ZNF521: variants seen among roughly 807,000 people sequenced by gnomAD.
ZNF521 encodes the protein LYST-interacting protein 3.
ZNF521 carries 14 observed loss-of-function variants against 105.5 expected under a neutral mutation model. The observed-to-expected ratio is 0.13, with a 90% CI of 0.09 to 0.21. The LOEUF (loss-of-function observed/expected upper bound fraction) is 0.21, where lower values mean the gene tolerates loss of function less well. ZNF521 is among the 10% of genes least tolerant of loss of function. The probability of loss-of-function intolerance (pLI) is 1.00; values close to 1 mark genes in which losing one functional copy is unlikely to be tolerated. For missense variants in ZNF521, 1,233 were observed against 1,629.7 expected, an observed-to-expected ratio of 0.76 and a Z score of 4.19; for synonymous variants, 635 against 606.0, an observed-to-expected ratio of 1.05 and a Z score of -0.70.
At chr18:25,270,846 A>G (rs529423256) in intron 3 of ZNF521, among the ~76,000 whole-genome samples, 9 of 152,204 alleles carry the variant, frequency 5.9e-5, no homozygotes, top group East Asian at 3.8e-4. Context: ...AACTGGAAGC[A>G]TTCCCTTTGA....
chr18:25,160,500 C>T (rs1167244570), intron 5 of ZNF521, among the ~76,000 whole-genome samples: 1 of 152,170 alleles, frequency 6.6e-6, no homozygotes, highest in Non-Finnish European at 1.5e-5. Context: ...GGACACACTG[C>T]ACTTATGCAC....
At chr18:25,317,573 G>A (rs962900080) in intron 3 of ZNF521, among the ~76,000 whole-genome samples, 1 of 152,094 alleles carries the variant, frequency 6.6e-6, no homozygotes, top group East Asian at 1.9e-4. Flanking sequence ...CAGTCCAGTG[G>A]GAACGCTGAA....
At chr18:25,200,118 AAC>A (rs1426110789) in intron 4 of ZNF521, among the ~76,000 whole-genome samples, 2 of 152,146 alleles carry the variant, frequency 1.3e-5, no homozygotes, top group African/African-American at 2.4e-5. Context: ...ACTGGATTTT[AAC>A]ACAGTTTATA....
chr18:25,084,605 G>T (rs1004171241), intron 7 of ZNF521, among the ~76,000 whole-genome samples: 1 of 152,160 alleles, frequency 6.6e-6, no homozygotes, highest in Non-Finnish European at 1.5e-5. Flanking sequence ...GAAGGGCTGG[G>T]TATTAAGATA....
At chr18:25,127,569 A>T (rs1461942357) in intron 5 of ZNF521, among the ~76,000 whole-genome samples, 1 of 152,060 alleles carries the variant, frequency 6.6e-6, no homozygotes, top group African/African-American at 2.4e-5. Context: ...AAAAGACCTA[A>T]AAAAAGATAC....
intron 2 of ZNF521, among the ~76,000 whole-genome samples, chr18:25,341,853 G>A (rs1914218333): frequency 6.6e-6 from 1 of 152,278 alleles, no homozygotes; most frequent in East Asian, 1.9e-4. Flanking sequence ...AGCTCCATAA[G>A]AGCAAGGCTT....
chr18:25,293,456 C>T (rs1911154364), intron 3 of ZNF521, among the ~76,000 whole-genome samples: 1 of 151,996 alleles, frequency 6.6e-6, no homozygotes, highest in Non-Finnish European at 1.5e-5. Flanking sequence ...ATCAATCAAT[C>T]ATTGCTCCAG....
chr18:25,127,481 C>T (rs1468125828), intron 5 of ZNF521, among the ~76,000 whole-genome samples: 2 of 151,852 alleles, frequency 1.3e-5, no homozygotes, highest in Admixed American at 6.6e-5. Context: ...ATTATTAATG[C>T]TTTCGTTAAA....
At chr18:25,283,925 C>A (rs920606485) in intron 3 of ZNF521, among the ~76,000 whole-genome samples, 7 of 138,074 alleles carry the variant, frequency 5.1e-5, no homozygotes, top group South Asian at 5.4e-4. Flanking sequence ...AATACTTTCC[C>A]CCCCCCCCAA....
At chr18:25,218,829 C>T (rs1905509554) in intron 4 of ZNF521, among the ~76,000 whole-genome samples, 1 of 152,032 alleles carries the variant, frequency 6.6e-6, no homozygotes, top group Non-Finnish European at 1.5e-5. Context: ...GCCTGGGCAA[C>T]AAGAGTGACA....
chr18:25,072,503 G>A (rs959834994), intron 7 of ZNF521, among the ~76,000 whole-genome samples: 2 of 152,136 alleles, frequency 1.3e-5, no homozygotes, highest in Non-Finnish European at 2.9e-5. Flanking sequence ...ACTGACAATA[G>A]CGTGCACTAT....
At chr18:25,292,287 G>GA (rs1485680300) in intron 3 of ZNF521, among the ~76,000 whole-genome samples, 1 of 146,910 alleles carries the variant, frequency 6.8e-6, no homozygotes, top group Admixed American at 6.8e-5. Flanking sequence ...GATTTACTGT[G>GA]AAAAAAATGT....
chr18:25,206,167 C>A (rs2036076301), intron 4 of ZNF521, among the ~76,000 whole-genome samples: 4 of 151,982 alleles, frequency 2.6e-5, no homozygotes, highest in Admixed American at 2.6e-4. Flanking sequence ...CCTCGCCCAG[C>A]TAATTTTTTT....
At chr18:25,175,467 T>C (rs942685230) in intron 5 of ZNF521, among the ~76,000 whole-genome samples, 1 of 152,208 alleles carries the variant, frequency 6.6e-6, no homozygotes, top group African/African-American at 2.4e-5. Flanking sequence ...GGTTGGCTTA[T>C]ATGACTGATG....
At position 25,159,207 on chromosome 18, in the gene ZNF521, A is replaced by T. The variant is rs538965812; in HGVS notation, c.3658+35953T>A. 5.9e-5 allele frequency among the ~76,000 whole-genome samples: 9 copies of T among 152,298 alleles called. No individual in the cohort carries two copies. In the South Asian group the frequency reaches 1.9e-3, roughly 32 times the overall value. On this transcript the variant is annotated intron_variant, in intron 5 of 7. Coordinates refer to ENST00000361524, the MANE Select transcript of ZNF521 (RefSeq NM_015461.3). ...AAAGGTAACCGAGAAGCTGATCATT[A>T]TCAATTAAGTTGTGCTCACTTGGCA...
At chr18:25,268,803 C>T (rs188837365) in intron 3 of ZNF521, among the ~76,000 whole-genome samples, 5,455 of 152,170 alleles carry the variant, frequency 0.036, 330 homozygotes, top group African/African-American at 0.12. Context: ...AAGAAACAAC[C>T]GGTACCAGCC....
chr18:25,346,314 C>T (rs939212709), intron 2 of ZNF521, among the ~76,000 whole-genome samples: 2 of 151,618 alleles, frequency 1.3e-5, no homozygotes, highest in African/African-American at 4.8e-5. Flanking sequence ...CCTGTCTACC[C>T]GTAAGTATAT....
At chr18:25,068,492 C>CT (rs1282677750) in intron 7 of ZNF521, among the ~76,000 whole-genome samples, 3 of 150,710 alleles carry the variant, frequency 2.0e-5, no homozygotes, top group African/African-American at 4.9e-5. Context: ...AGCACTATTG[C>CT]TTTTTTTCAT....
At chr18:25,319,156 G>T (rs531820528) in intron 3 of ZNF521, among the ~76,000 whole-genome samples, 1 of 152,140 alleles carries the variant, frequency 6.6e-6, no homozygotes, top group Non-Finnish European at 1.5e-5. Context: ...TCAATACAAT[G>T]AGAGTAATGA....
Sources: allele counts gnomAD v4.1 joint callset (sites outside exome capture counted in the v4.1 genomes callset), GRCh38; gene constraint gnomAD v4.1.1; transcripts MANE v1.5; gene names NCBI Gene and HGNC (gene_info 2026-07-23, HGNC 2026-07-21).